ABLIM2: variants seen among roughly 807,000 people sequenced by gnomAD.
ABLIM2 encodes the protein actin-binding LIM protein 2.
ABLIM2 carries 53 observed loss-of-function variants against 97.7 expected under a neutral mutation model. That is an observed-to-expected ratio of 0.54 (90% CI 0.44 to 0.68). The LOEUF is 0.68. Ranked by LOEUF, ABLIM2 falls within the 30% of genes least tolerant of loss-of-function variation. The pLI is 0.00. For missense variants in ABLIM2, 835 were observed against 867.2 expected, an observed-to-expected ratio of 0.96 and a Z score of 0.47; for synonymous variants, 361 against 345.8, an observed-to-expected ratio of 1.04 and a Z score of -0.49.
In ABLIM2 at chr4:7,996,366, G is replaced by T. The variant is rs1445932753; in HGVS notation, c.1619-3439C>A. On this transcript the variant is annotated intron_variant, in intron 16 of 20. Transcript: ENST00000447017. This position sits in a 1 kb window ranked among gnomAD's most constrained non-coding sequence, Gnocchi z 4.5. ...CTCTTAAGCCCGAAGGCCTCTACCTGCCTGCCCCTGGAGTCACCTGGACAG... is the reference window on the plus strand; with the variant it reads ...CTCTTAAGCCCGAAGGCCTCTACCTTCCTGCCCCTGGAGTCACCTGGACAG... 1.3e-5 allele frequency among the ~76,000 whole-genome samples: 2 copies of T among 152,170 alleles called. No homozygotes were observed. The highest frequency in any genetic ancestry group is 2.9e-5 in the Non-Finnish European group (2 of 68,042).
rs533568051 is a variant in ABLIM2 at position 8,120,577 on chromosome 4, C to T, written c.11-13940G>A. On this transcript the variant is annotated intron_variant, in intron 1 of 20. Transcript: ENST00000447017. The surrounding 1 kb of genome is among the most constrained non-coding windows in gnomAD (Gnocchi z 5.6). ...AGCCTCAGAAGGAGCCAGCCCTGCC[C>T]GCACCTTGATCTGGGACTTCTGGCC... Among the ~76,000 whole-genome samples, 4 of 152,206 alleles carry T rather than the reference C, an allele frequency of 2.6e-5. No homozygotes were observed. Among genetic ancestry groups the T allele is most frequent in the Admixed American group, 6.5e-5 (1 of 15,278 alleles).
Position 8,118,230 on chromosome 4 carries a change from T to C in ABLIM2, c.11-11593A>G, listed in dbSNP as rs80152346. ...ACACACGCCAGGGCTTAGGGATCCT[T>C]GCACACTGACTGCCATCTGGGGAGA... On this transcript the variant is annotated intron_variant, in intron 1 of 20. Transcript: ENST00000447017. Among the ~76,000 whole-genome samples the C allele has an allele frequency of 9.2e-5, 14 of 152,190 alleles. No homozygotes were observed. The East Asian group carries it at 2.3e-3, about 25-fold the overall frequency.
chr4:8,127,077 A>C lies in ABLIM2; in HGVS notation c.11-20440T>G, dbSNP rs1463605778. 2.6e-5 allele frequency among the ~76,000 whole-genome samples: 4 copies of C among 151,844 alleles called. No homozygotes were observed. Among genetic ancestry groups the C allele is most frequent in the South Asian group, 2.1e-4 (1 of 4,808 alleles). On this transcript the variant is annotated intron_variant, in intron 1 of 20. Coordinates refer to ENST00000447017, the MANE Select transcript of ABLIM2 (RefSeq NM_001130083.2). The surrounding 1 kb of genome is among the most constrained non-coding windows in gnomAD (Gnocchi z 7.3). ...TGAGTCCCTGCCTCCAGAAAAAAAA[A>C]AAAAAAATGCCTGCAGACATTGCCA...
chr4:7,999,861 C>T lies in ABLIM2; in HGVS notation c.1619-6934G>A, dbSNP rs1243076814. On this transcript the variant is annotated intron_variant, in intron 16 of 20. Transcript: ENST00000447017. The surrounding 1 kb of genome is among the most constrained non-coding windows in gnomAD (Gnocchi z 4.4). The stretch of plus-strand genomic sequence containing the variant: ...CATAGCCACCTTGCCCTCAGCACCC[C>T]GCCAGGCCTGCTCTTGGGGCCCTGA... Among the ~76,000 whole-genome samples the T allele has an allele frequency of 2.6e-5, 4 of 152,188 alleles. No homozygotes were observed. The highest frequency in any genetic ancestry group is 4.4e-5 in the Non-Finnish European group (3 of 68,038).
chr4:8,099,162 CT>C (rs1399414493), intron 2 of ABLIM2, among the ~76,000 whole-genome samples: 2 of 152,224 alleles, frequency 1.3e-5, no homozygotes, highest in Non-Finnish European at 2.9e-5. Context: ...GATGAAAATG[CT>C]TTGTCCGATC....
intron 6 of ABLIM2, among the ~76,000 whole-genome samples, chr4:8,070,539 G>C (rs1811265427): frequency 6.6e-6 from 1 of 152,128 alleles, no homozygotes; most frequent in East Asian, 1.9e-4. Flanking sequence ...AGTCATCCGT[G>C]CTTCCTGCCC....
chr4:8,116,422 C>A (rs1218184810), intron 1 of ABLIM2, among the ~76,000 whole-genome samples: 1 of 152,226 alleles, frequency 6.6e-6, no homozygotes, highest in East Asian at 1.9e-4. Flanking sequence ...CCCACTTCTG[C>A]TATCGCACAC....
In ABLIM2 at chr4:7,974,418, T is replaced by C. The variant is rs1027635891; in HGVS notation, c.1825-7315A>G. Among the ~76,000 whole-genome samples the C allele has an allele frequency of 6.1e-3, 337 of 55,036 alleles. 4 individuals are homozygous for C. The highest frequency in any genetic ancestry group is 0.018 in the African/African-American group (297 of 16,102). 36.1% of individuals were successfully genotyped at this position (55,036 alleles called of 152,430 possible). On this transcript the variant is annotated intron_variant, in intron 20 of 20. Transcript: ENST00000447017. Reference sequence around the variant, plus strand: ...ATCCATCCACCCATCCATCCACCAATCCATCCACCCACCCTTCCACCCACC... The same window carrying C: ...ATCCATCCACCCATCCATCCACCAACCCATCCACCCACCCTTCCACCCACC...
Position 8,008,109 on chromosome 4 carries a change from C to G in ABLIM2, c.1568G>C (p.Gly523Ala). ...LDTQSLSHSS[G>A]TDRDPLQRMA... ...CCTTTGGAGAGGGTCTCTGTCGGTCCCGCTGCTGTGGGACAAGGACTGGGT... is the reference window on the plus strand; with the variant it reads ...CCTTTGGAGAGGGTCTCTGTCGGTCGCGCTGCTGTGGGACAAGGACTGGGT... Residue 523 changes from glycine to alanine, a missense_variant, in exon 16 of 21, where the codon GGG becomes GCG. By Grantham distance (60) the Gly-to-Ala change is moderately conservative. Coordinates refer to ENST00000447017, the MANE Select transcript of ABLIM2 (RefSeq NM_001130083.2). 1 of 1,614,038 alleles carries G rather than the reference C, an allele frequency of 6.2e-7. No homozygotes were observed. Among genetic ancestry groups the G allele is most frequent in the Non-Finnish European group, 8.5e-7 (1 of 1,179,910 alleles).
rs73092343 is a variant in ABLIM2 at position 8,029,245 on chromosome 4, C to T, written c.1168+411G>A. 6.4e-3 allele frequency among the ~76,000 whole-genome samples: 973 copies of T among 152,264 alleles called. 12 individuals carry two copies. The highest frequency in any genetic ancestry group is 0.022 in the African/African-American group (901 of 41,534). On this transcript the variant is annotated intron_variant, in intron 11 of 20. Coordinates refer to ENST00000447017, the MANE Select transcript of ABLIM2 (RefSeq NM_001130083.2). ...TTTTTCCACCACTGACTTTGCTTTC[C>T]CAGCTCACATCTTCCGAGACCCACA...
At chr4:8,052,943 G>A (rs1403774643) in intron 8 of ABLIM2, among the ~76,000 whole-genome samples, 1 of 152,228 alleles carries the variant, frequency 6.6e-6, no homozygotes, top group African/African-American at 2.4e-5. Flanking sequence ...GAGGCCAGGG[G>A]TTGCTGAGAT....
intron 2 of ABLIM2, among the ~76,000 whole-genome samples, chr4:8,101,079 G>C (rs557845946): frequency 2.0e-5 from 3 of 152,212 alleles, no homozygotes; most frequent in Non-Finnish European, 4.4e-5. Context: ...CTGTCCACCC[G>C]CTGCTATTTT....
chr4:8,050,869 C>T (rs1795565607), intron 8 of ABLIM2, among the ~76,000 whole-genome samples: 1 of 152,250 alleles, frequency 6.6e-6, no homozygotes, highest in African/African-American at 2.4e-5. Context: ...CTGTGTTGGC[C>T]AGAGGCCAAC....
At chr4:8,101,415 C>T (rs896009523) in intron 2 of ABLIM2, among the ~76,000 whole-genome samples, 2 of 152,238 alleles carry the variant, frequency 1.3e-5, no homozygotes, top group African/African-American at 4.8e-5. Context: ...TAGAGCTTCC[C>T]TTTGATGCTG....
In ABLIM2 at chr4:8,046,784, A is replaced by T. The variant is rs752481700; in HGVS notation, c.823-1543T>A. On this transcript the variant is annotated intron_variant, in intron 8 of 20. Coordinates refer to ENST00000447017, the MANE Select transcript of ABLIM2 (RefSeq NM_001130083.2). This position sits in a 1 kb window ranked among gnomAD's most constrained non-coding sequence, Gnocchi z 4.4. ...ACAGGGTTTTTAAAAGGTCACTAGG[A>T]TGGGCCCTAATCTGTTATGCCTGGG... is the stretch of plus-strand genomic sequence containing the variant. 6.6e-6 allele frequency among the ~76,000 whole-genome samples: 1 copy of T among 152,140 alleles called. No homozygotes were observed. Among genetic ancestry groups the T allele is most frequent in the Non-Finnish European group, 1.5e-5 (1 of 68,026 alleles).
Position 8,001,085 on chromosome 4 carries a change from C to A in ABLIM2, c.1618+6974G>T, listed in dbSNP as rs13112032. 5.3e-5 allele frequency among the ~76,000 whole-genome samples: 8 copies of A among 152,194 alleles called. No homozygotes were observed. The highest frequency in any genetic ancestry group is 7.3e-5 in the Non-Finnish European group (5 of 68,030). On this transcript the variant is annotated intron_variant, in intron 16 of 20. Transcript: ENST00000447017. The surrounding 1 kb of genome is among the most constrained non-coding windows in gnomAD (Gnocchi z 4.2). ...TGGAGGCTGTGGCACTGCACAGGTTCGGGTCCCCTCTCTGAGCCTTGGTGT... is the reference window on the plus strand; with the variant it reads ...TGGAGGCTGTGGCACTGCACAGGTTAGGGTCCCCTCTCTGAGCCTTGGTGT...
Position 8,082,312 on chromosome 4 carries a change from C to T in ABLIM2, c.455-1510G>A, listed in dbSNP as rs1339753291. On this transcript the variant is annotated intron_variant, in intron 4 of 20. Coordinates refer to ENST00000447017, the MANE Select transcript of ABLIM2 (RefSeq NM_001130083.2). This position sits in a 1 kb window ranked among gnomAD's most constrained non-coding sequence, Gnocchi z 5.6. ...ACTGAGCGTATTCCTCCTGCGGGAG[C>T]CCCCATTTCCTCATCGTGGGGTGGG... is the stretch of plus-strand genomic sequence containing the variant. Among the ~76,000 whole-genome samples the T allele has an allele frequency of 6.6e-6, 1 of 152,206 alleles. No homozygotes were observed. The highest frequency in any genetic ancestry group is 6.5e-5 in the Admixed American group (1 of 15,282).
chr4:8,001,998 CAA>C lies in ABLIM2; in HGVS notation c.1618+6059_1618+6060del, dbSNP rs1560525844. ...AGATGGGGAGATGGGAGGACACTGACAAAGAGTAGGCTGGGGGCCAGGCAGGA... is the reference window on the plus strand; with the variant it reads ...AGATGGGGAGATGGGAGGACACTGACAGAGTAGGCTGGGGGCCAGGCAGGA... On this transcript the variant is annotated intron_variant, in intron 16 of 20. Transcript: ENST00000447017. The surrounding 1 kb of genome is among the most constrained non-coding windows in gnomAD (Gnocchi z 4.2). Among the ~76,000 whole-genome samples the C allele has an allele frequency of 6.6e-6, 1 of 152,228 alleles. No individual in the cohort carries two copies.
At chr4:8,144,085 T>G (rs1851426812) in intron 1 of ABLIM2, among the ~76,000 whole-genome samples, 1 of 152,102 alleles carries the variant, frequency 6.6e-6, no homozygotes, top group Non-Finnish European at 1.5e-5. Context: ...ATGGTCCTCT[T>G]CCTCCCAAGT....
Sources: allele counts gnomAD v4.1 joint callset (sites outside exome capture counted in the v4.1 genomes callset), GRCh38; gene constraint gnomAD v4.1.1; non-coding constraint Gnocchi (gnomAD v3.1); transcripts MANE v1.5; gene names NCBI Gene and HGNC (gene_info 2026-07-23, HGNC 2026-07-21).